SFMBT2: variants seen among roughly 807,000 people sequenced by gnomAD.
SFMBT2 encodes Scm like with four mbt domains 2, also known as scm-like with four MBT domains protein 2.
A neutral mutation model predicts 110.1 loss-of-function variants in SFMBT2; 38 were observed. The observed-to-expected ratio is 0.35, with a 90% confidence interval of 0.27 to 0.45. SFMBT2 has a LOEUF of 0.45. Among genes scored for constraint, SFMBT2 ranks in the 20% least tolerant of loss-of-function variants. SFMBT2 has a pLI of 1.00. For missense variants in SFMBT2, 1,011 were observed against 1,094.9 expected (o/e 0.92, Z 1.08); for synonymous variants, 425 against 425.4 (o/e 1.00, Z 0.01).
At chr10:7,351,689 G>C (rs185352227) in intron 4 of SFMBT2, among the ~76,000 whole-genome samples, 36 of 152,178 alleles carry the variant, frequency 2.4e-4, no homozygotes, top group Middle Eastern at 6.8e-3. Context: ...GAGCTCACAG[G>C]GGGTAAAAAG....
At chr10:7,272,510 C>T (rs1829481896) in intron 7 of SFMBT2, among the ~76,000 whole-genome samples, 1 of 152,084 alleles carries the variant, frequency 6.6e-6, no homozygotes, top group Admixed American at 6.6e-5. Flanking sequence ...GGGGAGGTGA[C>T]TGGGAAGCAG....
chr10:7,324,341 G>C (rs542745848), intron 4 of SFMBT2, among the ~76,000 whole-genome samples: 1 of 152,130 alleles, frequency 6.6e-6, no homozygotes, highest in South Asian at 2.1e-4. Context: ...TAAACACTGC[G>C]GTTCAGCAAC....
At chr10:7,210,267 A>G (rs1224092958) in intron 11 of SFMBT2, among the ~76,000 whole-genome samples, 2 of 152,196 alleles carry the variant, frequency 1.3e-5, no homozygotes, top group Non-Finnish European at 2.9e-5. Context: ...GGAGATGCTT[A>G]TGGCTTGGGA....
At chr10:7,178,625 T>C (rs962616791) in intron 16 of SFMBT2, among the ~76,000 whole-genome samples, 1 of 152,308 alleles carries the variant, frequency 6.6e-6, no homozygotes, top group Middle Eastern at 3.4e-3. Flanking sequence ...ACCTAGATAT[T>C]GTCACTTGTT....
At chr10:7,165,300 G>A (rs1007433824) in intron 20 of SFMBT2, among the ~76,000 whole-genome samples, 9 of 152,190 alleles carry the variant, frequency 5.9e-5, no homozygotes, top group African/African-American at 1.7e-4. Context: ...ATACGTCTCC[G>A]ACAACACCTG....
intron 9 of SFMBT2, among the ~76,000 whole-genome samples, chr10:7,239,206 T>A (rs771610524): frequency 6.6e-6 from 1 of 152,222 alleles, no homozygotes; most frequent in South Asian, 2.1e-4. Flanking sequence ...AAGCAACACA[T>A]TGTAATTGTA....
intron 7 of SFMBT2, among the ~76,000 whole-genome samples, chr10:7,264,358 T>C (rs1422296658): frequency 2.0e-5 from 3 of 152,174 alleles, no homozygotes; most frequent in Non-Finnish European, 4.4e-5. Context: ...GTGTATAATC[T>C]CGATACTTAT....
chr10:7,307,721 G>A (rs891301315), intron 4 of SFMBT2, among the ~76,000 whole-genome samples: 1 of 152,186 alleles, frequency 6.6e-6, no homozygotes, highest in Non-Finnish European at 1.5e-5. Flanking sequence ...CTACAAAGCT[G>A]TTGGAGAACA....
In SFMBT2 at chr10:7,171,551, A is replaced by C; in HGVS notation, c.2415+344T>G. The C allele has an allele frequency of 1.0e-6, 1 of 985,434 alleles. No individual in the cohort carries two copies. The highest frequency in any genetic ancestry group is 4.7e-5 in the South Asian group (1 of 21,288). The allele number at this position is 985,434 out of a possible 1,614,324, so 61.0% of individuals were successfully genotyped here. Reference sequence around the variant, plus strand: ...GTCCTATAGAGGGGACGTGGGAGCAAGACACAGCGCAGTCAGGGGAGATGC... The same window carrying C: ...GTCCTATAGAGGGGACGTGGGAGCACGACACAGCGCAGTCAGGGGAGATGC... On this transcript the variant is annotated intron_variant, in intron 19 of 20. Transcript: ENST00000397167. The surrounding 1 kb of genome is among the most constrained non-coding windows in gnomAD (Gnocchi z 4.9).
chr10:7,242,127 C>T (rs12245014), intron 9 of SFMBT2, among the ~76,000 whole-genome samples: 10,757 of 152,150 alleles, frequency 0.071, 883 homozygotes, highest in African/African-American at 0.2. Context: ...TCCACAGCAG[C>T]GAAGGACTTC....
Position 7,172,501 on chromosome 10 carries a change from C to T in SFMBT2, c.2145G>A (p.Ser715=), listed in dbSNP as rs143001605. The T allele has an allele frequency of 5.9e-5, 95 of 1,613,846 alleles. No individual in the cohort carries two copies. Among genetic ancestry groups the T allele is most frequent in the Middle Eastern group, 1.7e-4 (1 of 5,910 alleles). The change falls in exon 18 of 21, where the codon TCG becomes TCA. Residue 715 remains serine (S), a synonymous_variant. Coordinates refer to ENST00000397167, the MANE Select transcript of SFMBT2 (RefSeq NM_001387889.1). The surrounding 1 kb of genome is among the most constrained non-coding windows in gnomAD (Gnocchi z 4.6). ...TGCCCCGGGCAGAACATACCTCCCCCGAGCCCGCGGTGAAGTCCACGGCAG... is the reference window on the plus strand; with the variant it reads ...TGCCCCGGGCAGAACATACCTCCCCTGAGCCCGCGGTGAAGTCCACGGCAG... ...RSSAVDFTAG[S]GEESEEEDAD...
intron 20 of SFMBT2, among the ~76,000 whole-genome samples, chr10:7,164,853 C>A (rs901705555): frequency 6.6e-6 from 1 of 152,076 alleles, no homozygotes; most frequent in African/African-American, 2.4e-5. Context: ...TGTTGCCCCA[C>A]TGTGTCCTGC....
At chr10:7,401,774 T>C (rs1846089370) in intron 1 of SFMBT2, among the ~76,000 whole-genome samples, 1 of 152,184 alleles carries the variant, frequency 6.6e-6, no homozygotes, top group African/African-American at 2.4e-5. Context: ...AACACTACCA[T>C]CATCCAAGCT....
chr10:7,170,696 C>G lies in SFMBT2; in HGVS notation c.2544+232G>C, dbSNP rs1837848261. ...AGCCTGGAAGAGTCACCCCTCCGCC[C>G]CCCACCATGGCACTGGTGGGGCCTG... On this transcript the variant is annotated intron_variant, in intron 20 of 20. Coordinates refer to ENST00000397167, the MANE Select transcript of SFMBT2 (RefSeq NM_001387889.1). This position sits in a 1 kb window ranked among gnomAD's most constrained non-coding sequence, Gnocchi z 4.6. Among the ~76,000 whole-genome samples the G allele has an allele frequency of 6.6e-6, 1 of 152,098 alleles. No homozygotes were observed. The highest frequency in any genetic ancestry group is 2.4e-5 in the African/African-American group (1 of 41,426).
chr10:7,232,836 A>C lies in SFMBT2; in HGVS notation c.1121-4899T>G, dbSNP rs1279307951. ...TAAATGGTAATTAAGGCATTGGTCG[A>C]TCAATCCAGAGTCCACTCAGCACAT... On this transcript the variant is annotated intron_variant, in intron 9 of 20. Coordinates refer to ENST00000397167, the MANE Select transcript of SFMBT2 (RefSeq NM_001387889.1). Among the ~76,000 whole-genome samples, 3 of 152,186 alleles carry C rather than the reference A, an allele frequency of 2.0e-5. No individual in the cohort carries two copies. In the East Asian group the frequency reaches 5.8e-4, roughly 29 times the overall value.
At chr10:7,303,458 C>T (rs1474657693) in intron 4 of SFMBT2, among the ~76,000 whole-genome samples, 1 of 152,076 alleles carries the variant, frequency 6.6e-6, no homozygotes, top group Non-Finnish European at 1.5e-5. Context: ...TTATTCTTTC[C>T]ACCACGGAAA....
At chr10:7,188,286 T>C (rs11255035) in intron 16 of SFMBT2, among the ~76,000 whole-genome samples, 11,856 of 152,262 alleles carry the variant, frequency 0.078, 497 homozygotes, top group Admixed American at 0.092. Flanking sequence ...GAACATAGTA[T>C]AATAATGATG....
At chr10:7,249,505 A>G (rs74117287) in intron 7 of SFMBT2, 57,748 of 984,398 alleles carry the variant, frequency 0.059, 2,572 homozygotes, top group African/African-American at 0.22. Flanking sequence ...GTCCCTGAGG[A>G]AATAATACCT....
chr10:7,209,563 A>G (rs1192593180), intron 11 of SFMBT2, among the ~76,000 whole-genome samples: 6 of 152,282 alleles, frequency 3.9e-5, no homozygotes, highest in African/African-American at 1.4e-4. Flanking sequence ...GACACCTCTT[A>G]ATATACTCAG....
Sources: gnomAD v4.1 joint callset for allele counts (sites outside exome capture counted in the v4.1 genomes callset) on GRCh38, gnomAD v4.1.1 for gene constraint, Gnocchi (gnomAD v3.1) non-coding constraint, MANE v1.5 for transcripts, NCBI Gene and HGNC (gene_info 2026-07-23, HGNC 2026-07-21) for gene names.